PNPLA7: variants seen among roughly 807,000 people sequenced by gnomAD.
PNPLA7 encodes the protein patatin-like phospholipase domain-containing protein 7.
Under a neutral mutation model 161.7 loss-of-function variants are expected in PNPLA7, and 153 were observed. That is an observed-to-expected ratio of 0.95 (90% CI 0.83 to 1.08). PNPLA7 has a LOEUF of 1.08. Ranked by LOEUF, PNPLA7 falls within the 50% of genes least tolerant of loss-of-function variation. The probability of loss-of-function intolerance (pLI) is 0.00; values close to 1 mark genes in which losing one functional copy is unlikely to be tolerated. For missense variants in PNPLA7, 1,739 were observed against 1,856.6 expected (o/e 0.94, Z 1.16); for synonymous variants, 809 against 782.1 (o/e 1.03, Z -0.57).
chr9:137,472,541 C>G (rs770093925), intron 25 of PNPLA7, among the ~76,000 whole-genome samples: 10 of 150,640 alleles, frequency 6.6e-5, no homozygotes, highest in Middle Eastern at 3.5e-3. Context: ...ATCCCAGCTA[C>G]TCGGGAGGCT....
chr9:137,548,164 C>A (rs190868281), intron 1 of PNPLA7, among the ~76,000 whole-genome samples: 1 of 152,156 alleles, frequency 6.6e-6, no homozygotes, highest in South Asian at 2.1e-4. Context: ...TCCAGGTCCG[C>A]GGGAGGGAGG....
chr9:137,545,829 C>A (rs534701642), intron 4 of PNPLA7, among the ~76,000 whole-genome samples: 1 of 152,202 alleles, frequency 6.6e-6, no homozygotes, highest in Non-Finnish European at 1.5e-5. Flanking sequence ...CTAGTGGTGA[C>A]GCCAGCGTCT....
chr9:137,521,468 C>T (rs1834987396), intron 10 of PNPLA7, among the ~76,000 whole-genome samples, 168 bp downstream of exon 10: 2 of 152,224 alleles, frequency 1.3e-5, no homozygotes, highest in African/African-American at 4.8e-5. Context: ...AGAATAAACA[C>T]AGCACAACCA....
At chr9:137,491,492 C>A in intron 20 of PNPLA7, 3 of 981,844 alleles carry the variant, frequency 3.1e-6, no homozygotes, top group Non-Finnish European at 3.6e-6. Context: ...AAGTGGAGAG[C>A]GAAGAGTCAC....
At chr9:137,461,316 G>T in intron 33 of PNPLA7, 1 of 515,296 alleles carries the variant, frequency 1.9e-6, no homozygotes. Flanking sequence ...TGAATGAAGG[G>T]CAGGGGCTGG....
At chr9:137,464,640 C>T (rs949940551) in intron 26 of PNPLA7, 184 bp from the exon 27 acceptor site, 14 of 613,884 alleles carry the variant, frequency 2.3e-5, no homozygotes, top group Admixed American at 1.6e-4. Context: ...GGCTGGTGGT[C>T]GCCCCAGGGC....
intron 14 of PNPLA7, 147 bp from the exon 15 acceptor site, chr9:137,501,874 G>A: frequency 1.3e-6 from 1 of 771,282 alleles, no homozygotes; most frequent in Non-Finnish European, 2.1e-6. Flanking sequence ...CCTCCAACAA[G>A]GGCCTGATGG....
intron 11 of PNPLA7, among the ~76,000 whole-genome samples, chr9:137,517,757 T>C: frequency 3.3e-5 from 1 of 30,408 alleles, no homozygotes; most frequent in Admixed American, 2.8e-4. Flanking sequence ...CGTCACTCAC[T>C]CCACTCTGTC....
intron 8 of PNPLA7, among the ~76,000 whole-genome samples, chr9:137,526,656 T>C (rs914654675): frequency 1.3e-5 from 2 of 152,244 alleles, no homozygotes; most frequent in African/African-American, 4.8e-5. Flanking sequence ...CCTGAAGTTG[T>C]AACCAGTTGG....
intron 14 of PNPLA7, among the ~76,000 whole-genome samples, chr9:137,503,669 GGAA>G (rs1352836413): frequency 7.2e-6 from 1 of 139,630 alleles, no homozygotes; most frequent in Non-Finnish European, 1.6e-5. Flanking sequence ...AGAAGGGGAA[GGAA>G]GAAGGAGAAG....
chr9:137,474,500 G>A (rs956462274), intron 25 of PNPLA7, among the ~76,000 whole-genome samples: 9 of 152,148 alleles, frequency 5.9e-5, no homozygotes, highest in African/African-American at 1.7e-4. Flanking sequence ...GGAAGGCGAC[G>A]AGCATTCTCA....
chr9:137,497,879 G>A (rs770595198), intron 17 of PNPLA7, among the ~76,000 whole-genome samples: 3 of 152,238 alleles, frequency 2.0e-5, no homozygotes, highest in Non-Finnish European at 4.4e-5. Flanking sequence ...GACACGGAGA[G>A]ATGCTCATAG....
intron 14 of PNPLA7, among the ~76,000 whole-genome samples, chr9:137,504,042 GAAAGAAGAAGGAA>G (rs1203952525): frequency 2.2e-5 from 3 of 133,420 alleles, no homozygotes; most frequent in Admixed American, 7.7e-5. Flanking sequence ...GAAGGAAGAA[GAAAGAAGAAGGAA>G]GAAGAAGAAA....
rs375323537 is a variant in PNPLA7 at position 137,476,653 on chromosome 9, C to T, written c.2882+1381G>A. On this transcript the variant is annotated intron_variant, in intron 25 of 34. Transcript: ENST00000406427. This position sits in a 1 kb window ranked among gnomAD's most constrained non-coding sequence, Gnocchi z 4.5. ...GAAGGCAAAGGACTGCAGTTACGTG[C>T]CTTACAGAACCGTATGGCTTCTAAG... 6.6e-6 allele frequency among the ~76,000 whole-genome samples: 1 copy of T among 152,152 alleles called. No homozygotes were observed. The highest frequency in any genetic ancestry group is 1.5e-5 in the Non-Finnish European group (1 of 68,038).
intron 8 of PNPLA7, among the ~76,000 whole-genome samples, chr9:137,538,593 A>C (rs577782417): frequency 6.6e-6 from 1 of 152,376 alleles, no homozygotes; most frequent in South Asian, 2.1e-4. Flanking sequence ...CTTGATACAC[A>C]GCTAACAATG....
At position 137,500,540 on chromosome 9, in the gene PNPLA7, C is replaced by T; in HGVS notation, c.1757+151G>A. 1.5e-5 allele frequency: 11 copies of T among 737,330 alleles called. No homozygotes were observed. In the South Asian group the frequency reaches 1.7e-4, roughly 11 times the overall value. 45.7% of individuals were successfully genotyped at this position (737,330 alleles called of 1,614,324 possible). A position where few individuals can be genotyped will look rare whatever the true frequency, so the allele number is the denominator to read the frequency against. On this transcript the variant is annotated intron_variant, in intron 16 of 34. Transcript: ENST00000406427. This position sits in a 1 kb window ranked among gnomAD's most constrained non-coding sequence, Gnocchi z 5.5. ...TGAGCGCTGGAGCAGGGGGCACAGA[C>T]CTGGGCCCACACAGGTGCCGGGGAC...
Position 137,500,806 on chromosome 9 carries a change from G to A in PNPLA7, c.1642C>T (p.Arg548Cys), listed in dbSNP as rs747812592. 2.1e-5 allele frequency: 33 copies of A among 1,608,932 alleles called. No individual in the cohort carries two copies. The Middle Eastern group carries it at 6.6e-4, about 32-fold the overall frequency. ...SQEDTCLFLT[R>C]PGEMVGQLAV... ...AGCTGGCCCACCATCTCCCCGGGGCGCGTGAGGAACAAGCAGGTGTCCTCC... is the reference window on the plus strand; with the variant it reads ...AGCTGGCCCACCATCTCCCCGGGGCACGTGAGGAACAAGCAGGTGTCCTCC... The change falls in exon 16 of 35, where the codon CGC becomes TGC. Residue 548 changes from arginine (R) to cysteine (C), a missense_variant. By Grantham distance (180) the Arg-to-Cys change is radical. Coordinates refer to ENST00000406427, the MANE Select transcript of PNPLA7 (RefSeq NM_001098537.3). This position sits in a 1 kb window ranked among gnomAD's most constrained non-coding sequence, Gnocchi z 5.5.
Position 137,486,811 on chromosome 9 carries a change from C to T in PNPLA7, c.2198-2075G>A, listed in dbSNP as rs75474468. On this transcript the variant is annotated intron_variant, in intron 20 of 34. Coordinates refer to ENST00000406427, the MANE Select transcript of PNPLA7 (RefSeq NM_001098537.3). The surrounding 1 kb of genome is among the most constrained non-coding windows in gnomAD (Gnocchi z 6.0). ...TGCCCGGAGCCTTTTTTGCTCAAAG[C>T]CCCTGGTGCCCCTCCCCACTCAGAA... Among the ~76,000 whole-genome samples the T allele has an allele frequency of 0.01, 1,553 of 152,188 alleles. 23 individuals are homozygous for T. Among genetic ancestry groups the T allele is most frequent in the African/African-American group, 0.035 (1,453 of 41,518 alleles).
chr9:137,522,681 C>A (rs747005624), intron 9 of PNPLA7, 48 bp downstream of exon 9: 91 of 1,607,136 alleles, frequency 5.7e-5, no homozygotes, highest in Middle Eastern at 1.7e-4. Context: ...CAGGCCCCCC[C>A]AGGGTGACCC....
Sources: gnomAD v4.1 joint callset for allele counts (sites outside exome capture counted in the v4.1 genomes callset) on GRCh38, gnomAD v4.1.1 for gene constraint, Gnocchi (gnomAD v3.1) non-coding constraint, MANE v1.5 for transcripts, NCBI Gene and HGNC (gene_info 2026-07-23, HGNC 2026-07-21) for gene names.